Variants in MDGA2 observed in about 807,000 individuals in gnomAD.
The protein encoded by MDGA2 is MAM domain-containing glycosylphosphatidylinositol anchor protein 2.
In MDGA2, 40 loss-of-function variants were observed where a neutral mutation model predicts 117.8. The observed-to-expected ratio is 0.34, with a 90% CI of 0.26 to 0.44. MDGA2 has a LOEUF of 0.44. MDGA2 is among the 20% of genes least tolerant of loss of function. The pLI, the probability that MDGA2 is intolerant of heterozygous loss-of-function variation, is 1.00. For synonymous variants in MDGA2, 452 were observed against 439.0 expected (o/e 1.03, Z -0.37); for missense variants, 1,123 against 1,250.6 (o/e 0.90, Z 1.54).
intron 2 of MDGA2, among the ~76,000 whole-genome samples, chr14:47,245,044 G>C (rs141505673): frequency 6.6e-6 from 1 of 151,568 alleles, no homozygotes; most frequent in Non-Finnish European, 1.5e-5. Flanking sequence ...TTGTTTTTGA[G>C]ACAAAGTCTC....
intron 5 of MDGA2, among the ~76,000 whole-genome samples, chr14:47,115,053 G>A (rs984844392): frequency 1.3e-5 from 2 of 151,464 alleles, no homozygotes; most frequent in Non-Finnish European, 2.9e-5. Flanking sequence ...CATAAGAAGT[G>A]GACAAAAGGA....
At chr14:47,369,120 C>T (rs12883727) in intron 1 of MDGA2, among the ~76,000 whole-genome samples, 3 of 152,038 alleles carry the variant, frequency 2.0e-5, no homozygotes, top group African/African-American at 4.8e-5. Context: ...TATTTACATA[C>T]GTAGATAGAA....
chr14:47,109,668 C>T (rs888837408), intron 5 of MDGA2, among the ~76,000 whole-genome samples: 1 of 152,098 alleles, frequency 6.6e-6, no homozygotes, highest in African/African-American at 2.4e-5. Context: ...ATCAAAAGGC[C>T]AGGCATGATG....
intron 2 of MDGA2, among the ~76,000 whole-genome samples, chr14:47,272,626 TGAA>T (rs930209058): frequency 2.1e-4 from 32 of 152,232 alleles, no homozygotes; most frequent in Non-Finnish European, 1.5e-5. Flanking sequence ...GGGCTTTTAA[TGAA>T]GAAGAAAAGG....
chr14:47,022,863 A>G (rs1594537068), intron 8 of MDGA2, among the ~76,000 whole-genome samples: 1 of 152,334 alleles, frequency 6.6e-6, no homozygotes, highest in East Asian at 1.9e-4. Flanking sequence ...GCTATTTGCC[A>G]GTTTAGGATA....
intron 7 of MDGA2, among the ~76,000 whole-genome samples, chr14:47,041,833 T>A (rs923587596): frequency 6.6e-6 from 1 of 152,130 alleles, no homozygotes; most frequent in Non-Finnish European, 1.5e-5. Context: ...TCATTTGAAC[T>A]ATGTGGAAAA....
chr14:47,269,889 A>T (rs1888090458), intron 2 of MDGA2, among the ~76,000 whole-genome samples: 1 of 152,174 alleles, frequency 6.6e-6, no homozygotes. Flanking sequence ...AAAGTCTGGA[A>T]AAACACCAAT....
chr14:47,627,721 A>G (rs1897173932), intron 1 of MDGA2, among the ~76,000 whole-genome samples: 1 of 152,192 alleles, frequency 6.6e-6, no homozygotes, highest in East Asian at 1.9e-4. Context: ...CAGCAGTGGC[A>G]ACCCGCTGGG....
chr14:47,566,447 T>C (rs1300661686), intron 1 of MDGA2, among the ~76,000 whole-genome samples: 4 of 152,100 alleles, frequency 2.6e-5, no homozygotes, highest in African/African-American at 9.7e-5. Flanking sequence ...AGCTAGAGTA[T>C]CCCAGGGGAG....
At chr14:47,048,537 G>A (rs977851313) in intron 7 of MDGA2, among the ~76,000 whole-genome samples, 12 of 151,968 alleles carry the variant, frequency 7.9e-5, no homozygotes, top group South Asian at 4.1e-4. Context: ...TGATCACCCT[G>A]GACAATGCCT....
At chr14:47,409,283 G>A (rs192395249) in intron 1 of MDGA2, among the ~76,000 whole-genome samples, 1 of 152,286 alleles carries the variant, frequency 6.6e-6, no homozygotes, top group African/African-American at 2.4e-5. Flanking sequence ...AAGATAATGG[G>A]AACTTAACTA....
At chr14:47,246,706 A>C (rs149953900) in intron 2 of MDGA2, among the ~76,000 whole-genome samples, 32 of 151,780 alleles carry the variant, frequency 2.1e-4, no homozygotes, top group African/African-American at 7.2e-4. Context: ...TTTAAATAAA[A>C]GAAGTATTTA....
At chr14:47,025,933 C>T (rs369659748) in intron 8 of MDGA2, among the ~76,000 whole-genome samples, 1 of 152,054 alleles carries the variant, frequency 6.6e-6, no homozygotes, top group Non-Finnish European at 1.5e-5. Context: ...GTCTTATACC[C>T]TTGTGTATGA....
intron 1 of MDGA2, among the ~76,000 whole-genome samples, chr14:47,509,674 T>C (rs1258264323): frequency 1.3e-5 from 2 of 152,194 alleles, no homozygotes; most frequent in Non-Finnish European, 2.9e-5. Context: ...AGAGGATTAT[T>C]CCTAAGGATT....
chr14:47,383,901 C>T (rs558017599), intron 1 of MDGA2, among the ~76,000 whole-genome samples: 41 of 151,782 alleles, frequency 2.7e-4, no homozygotes, highest in African/African-American at 8.7e-4. Context: ...ATGCCTGAGA[C>T]AAAAAAATTG....
chr14:47,649,158 CA>C (rs1049446580), intron 1 of MDGA2, among the ~76,000 whole-genome samples: 1 of 151,770 alleles, frequency 6.6e-6, no homozygotes, highest in Non-Finnish European at 1.5e-5. Flanking sequence ...ACATTTTTGC[CA>C]AAAAACCTAT....
At chr14:47,105,696 T>A (rs1370548563) in intron 5 of MDGA2, among the ~76,000 whole-genome samples, 1 of 149,978 alleles carries the variant, frequency 6.7e-6, no homozygotes, top group Non-Finnish European at 1.5e-5. Context: ...CTTTTACACA[T>A]CAGTCCCTTC....
chr14:47,226,913 G>C (rs1886524598), intron 2 of MDGA2, among the ~76,000 whole-genome samples: 1 of 152,044 alleles, frequency 6.6e-6, no homozygotes, highest in Non-Finnish European at 1.5e-5. Context: ...GATCCTTTCT[G>C]ACTTGAAAGT....
chr14:47,063,386 T>C (rs546304794), intron 6 of MDGA2, among the ~76,000 whole-genome samples: 1 of 152,044 alleles, frequency 6.6e-6, no homozygotes, highest in Non-Finnish European at 1.5e-5. Context: ...AGGATACATT[T>C]TGGTATTCTG....
Sources: allele counts gnomAD v4.1 joint callset (sites outside exome capture counted in the v4.1 genomes callset), GRCh38; gene constraint gnomAD v4.1.1; transcripts MANE v1.5; gene names NCBI Gene and HGNC (gene_info 2026-07-23, HGNC 2026-07-21).